Variants in ESRRG observed in about 807,000 individuals in gnomAD.
The protein encoded by ESRRG is estrogen-related receptor gamma.
A neutral mutation model predicts 44.0 loss-of-function variants in ESRRG; 13 were observed. That is an observed-to-expected ratio of 0.30 (90% CI 0.19 to 0.47). The LOEUF (loss-of-function observed/expected upper bound fraction) is 0.47. Among genes scored for constraint, ESRRG ranks in the 20% least tolerant of loss-of-function variants. The probability of loss-of-function intolerance (pLI) is 1.00; values close to 1 mark genes in which losing one functional copy is unlikely to be tolerated. For synonymous variants in ESRRG, 215 were observed against 214.6 expected (o/e 1.00, Z -0.02); for missense variants, 395 against 580.6 (o/e 0.68, Z 3.29).
chr1:216,569,081 A>AAAGGAAGGAAGGAAGGAAGGAAGG lies in ESRRG; in HGVS notation c.590-1007_590-984dup, dbSNP rs56064287. ...GAAAGAAAGAGAGAAAGACAGAGAGAAAGGAAGGAAGGAAGGAAGGAAGGA... is the reference window on the plus strand; with the variant it reads ...GAAAGAAAGAGAGAAAGACAGAGAGAAAGGAAGGAAGGAAGGAAGGAAGGAAGGAAGGAAGGAAGGAAGGAAGGA... On this transcript the variant is annotated intron_variant, in intron 3 of 6. Transcript: ENST00000408911. 3.5e-4 allele frequency among the ~76,000 whole-genome samples: 34 copies of AAAGGAAGGAAGGAAGGAAGGAAGG among 98,196 alleles called. 1 individual carries two copies. The highest frequency in any genetic ancestry group is 1.2e-3 in the African/African-American group (30 of 24,458). The allele number at this position is 98,196 out of a possible 152,430, so 64.4% of individuals were successfully genotyped here.
At chr1:216,960,693 C>T (rs1037588060) in intron 1 of ESRRG, among the ~76,000 whole-genome samples, 1 of 152,042 alleles carries the variant, frequency 6.6e-6, no homozygotes, top group African/African-American at 2.4e-5. Context: ...CCAAGTTATC[C>T]TCCTGCCTTA....
chr1:216,853,128 C>T (rs2095866436), intron 2 of ESRRG, among the ~76,000 whole-genome samples: 1 of 152,164 alleles, frequency 6.6e-6, no homozygotes, highest in South Asian at 2.1e-4. Context: ...GACAGGTATG[C>T]ATTATGCTAA....
At chr1:216,842,990 G>T (rs570598657) in intron 2 of ESRRG, among the ~76,000 whole-genome samples, 1 of 152,240 alleles carries the variant, frequency 6.6e-6, no homozygotes, top group Non-Finnish European at 1.5e-5. Flanking sequence ...GTGAACAAAT[G>T]CTGGTCTGGA....
At chr1:217,103,859 AAC>A (rs2092554306) in intron 1 of ESRRG, among the ~76,000 whole-genome samples, 1 of 152,094 alleles carries the variant, frequency 6.6e-6, no homozygotes, top group Admixed American at 6.6e-5. Context: ...CTGTTTGAGA[AAC>A]AGCAAGCAGA....
At chr1:216,885,359 A>G (rs2096499832) in intron 2 of ESRRG, among the ~76,000 whole-genome samples, 1 of 152,174 alleles carries the variant, frequency 6.6e-6, no homozygotes, top group Non-Finnish European at 1.5e-5. Flanking sequence ...GTACAGAACA[A>G]TGAGATGGAG....
At chr1:217,036,376 A>G (rs532604828) in intron 1 of ESRRG, among the ~76,000 whole-genome samples, 5 of 152,216 alleles carry the variant, frequency 3.3e-5, no homozygotes, top group Non-Finnish European at 7.3e-5. Flanking sequence ...TGTTCATTGC[A>G]GCACCATTCA....
chr1:216,851,941 A>T (rs2095849337), intron 2 of ESRRG, among the ~76,000 whole-genome samples: 2 of 152,190 alleles, frequency 1.3e-5, no homozygotes, highest in African/African-American at 4.8e-5. Flanking sequence ...AAAATCACCA[A>T]ATGGATTGGT....
chr1:216,580,313 C>T (rs546749594), intron 3 of ESRRG, among the ~76,000 whole-genome samples: 2 of 151,928 alleles, frequency 1.3e-5, no homozygotes, highest in East Asian at 1.9e-4. Context: ...TCTTGTTTGG[C>T]GTGTTTTCTT....
At chr1:216,887,252 A>G (rs1309387752) in intron 2 of ESRRG, among the ~76,000 whole-genome samples, 2 of 152,196 alleles carry the variant, frequency 1.3e-5, no homozygotes, top group African/African-American at 2.4e-5. Flanking sequence ...AGTTTAATAT[A>G]TACAGTATTT....
At chr1:216,547,995 T>C (rs1217442921) in intron 5 of ESRRG, among the ~76,000 whole-genome samples, 2 of 152,078 alleles carry the variant, frequency 1.3e-5, no homozygotes, top group African/African-American at 4.8e-5. Flanking sequence ...CAATTGCTGC[T>C]ATATATGGGG....
chr1:217,115,981 C>T (rs1469917491), intron 1 of ESRRG, among the ~76,000 whole-genome samples: 2 of 152,112 alleles, frequency 1.3e-5, no homozygotes, highest in Non-Finnish European at 2.9e-5. Context: ...TTACAGCAGG[C>T]TAACTTCCAA....
At chr1:216,764,279 T>TC (rs1205820538) in intron 2 of ESRRG, among the ~76,000 whole-genome samples, 2 of 151,910 alleles carry the variant, frequency 1.3e-5, no homozygotes, top group South Asian at 2.1e-4. Flanking sequence ...TTTTACTCTT[T>TC]TTTTTTTTCT....
At chr1:216,754,639 T>C (rs2092326709) in intron 2 of ESRRG, among the ~76,000 whole-genome samples, 2 of 151,582 alleles carry the variant, frequency 1.3e-5, no homozygotes, top group South Asian at 4.2e-4. Context: ...TTTATTTCAG[T>C]CACTAATTTC....
At chr1:216,698,009 C>A (rs1415761281) in intron 1 of ESRRG, among the ~76,000 whole-genome samples, 4 of 152,314 alleles carry the variant, frequency 2.6e-5, no homozygotes, top group Non-Finnish European at 5.9e-5. Flanking sequence ...ACCCTAGAGA[C>A]TTAAGCCCCT....
At chr1:217,115,544 C>T (rs140143784) in intron 1 of ESRRG, among the ~76,000 whole-genome samples, 45 of 152,208 alleles carry the variant, frequency 3.0e-4, no homozygotes, top group Admixed American at 9.2e-4. Context: ...CCTGCTTGCT[C>T]GAACATACCA....
In ESRRG at chr1:216,933,556, T is replaced by C. The variant is rs184787464; in HGVS notation, c.-14+6026A>G. 4.3e-3 allele frequency among the ~76,000 whole-genome samples: 649 copies of C among 152,324 alleles called. 28 individuals carry two copies. Among genetic ancestry groups the C allele is most frequent in the Admixed American group, 0.04 (619 of 15,300 alleles). On this transcript the variant is annotated intron_variant, in intron 2 of 7. Coordinates refer to the ESRRG transcript ENST00000359162. ...GGTGAACATGGAGCTGATGAGGAGA[T>C]GCAGAGAAGTGCAGTATTCCAGACT... is the stretch of plus-strand genomic sequence containing the variant.
chr1:216,829,865 G>A (rs1291859090), intron 2 of ESRRG, among the ~76,000 whole-genome samples: 2 of 152,002 alleles, frequency 1.3e-5, no homozygotes, highest in African/African-American at 2.4e-5. Flanking sequence ...GAAATGCCAC[G>A]TTCTTAACCA....
At chr1:216,700,806 A>G (rs2081251649) in intron 1 of ESRRG, among the ~76,000 whole-genome samples, 1 of 152,168 alleles carries the variant, frequency 6.6e-6, no homozygotes, top group Non-Finnish European at 1.5e-5. Flanking sequence ...TTATATTTTC[A>G]TAGTCGTATT....
At chr1:216,951,651 C>T (rs2576199) in intron 1 of ESRRG, among the ~76,000 whole-genome samples, 123,008 of 151,518 alleles carry the variant, frequency 0.81, 50,151 homozygotes, top group Middle Eastern at 0.9. Context: ...CCTCATGTTT[C>T]ATTGCCCTAG....
Sources: allele counts gnomAD v4.1 joint callset (sites outside exome capture counted in the v4.1 genomes callset), GRCh38; gene constraint gnomAD v4.1.1; transcripts MANE v1.5; gene names NCBI Gene and HGNC (gene_info 2026-07-23, HGNC 2026-07-21).